Variants in KRT78 observed in about 807,000 individuals in gnomAD.
KRT78 encodes the protein keratin 78, also known as keratin, type II cytoskeletal 78.
A neutral mutation model predicts 51.4 loss-of-function variants in KRT78; 55 were observed. The observed-to-expected ratio is 1.07, with a 90% confidence interval of 0.86 to 1.34. The LOEUF is 1.34. Ranked by LOEUF, KRT78 falls within the 40% of genes most tolerant of loss-of-function variation. KRT78 has a pLI of 0.00. For missense variants in KRT78, 652 were observed against 649.4 expected, an observed-to-expected ratio of 1.00 and a Z score of -0.04; for synonymous variants, 291 against 264.3, an observed-to-expected ratio of 1.10 and a Z score of -0.98.
chr12:52,848,356 CCCCA>C, intron 1 of KRT78, 187 bp downstream of exon 1: 1 of 1,432,966 alleles, frequency 7.0e-7, no homozygotes, highest in Non-Finnish European at 9.4e-7. Context: ...TGTCCCTGAG[CCCCA>C]ATCATGGAAC....
At chr12:52,844,905 T>C (rs1490808980) in intron 4 of KRT78, among the ~76,000 whole-genome samples, 182 bp from the exon 5 acceptor site, 1 of 152,048 alleles carries the variant, frequency 6.6e-6, no homozygotes, top group Admixed American at 6.5e-5. Flanking sequence ...ATGAGAGCCA[T>C]AGGAGGTGGT....
At chr12:52,843,940 C>T (rs969323361) in intron 6 of KRT78, among the ~76,000 whole-genome samples, 153 bp downstream of exon 6, 14 of 152,168 alleles carry the variant, frequency 9.2e-5, no homozygotes, top group African/African-American at 3.1e-4. Context: ...TTGAAGTTCT[C>T]TTCTCCCCAA....
In KRT78 at chr12:52,848,005, A is replaced by G. The variant is rs1565701789; in HGVS notation, c.501T>C (p.Asp167=). The G allele has an allele frequency of 1.2e-6, 2 of 1,614,036 alleles. No homozygotes were observed. Among genetic ancestry groups the G allele is most frequent in the African/African-American group, 1.3e-5 (1 of 74,920 alleles). The change falls in exon 2 of 9, where the codon GAT becomes GAC. Residue 167 remains aspartate, a synonymous_variant. Transcript: ENST00000304620. ...GLEPVFEACL[D]QLRKQLEQLQ... ...GCTGCTCCAGCTGCTTCCTGAGCTG[A>G]TCCAGGCAGGCCTCAAAGACAGGCT...
rs567802599 is a variant in KRT78, at chr12:52,846,348, C to T, written c.661-56G>A. 4.5e-6 allele frequency: 5 copies of T among 1,117,850 alleles called. No homozygotes were observed. In the African/African-American group the frequency reaches 4.7e-5, roughly 10 times the overall value. 69.2% of individuals were successfully genotyped at this position (1,117,850 alleles called of 1,614,324 possible). ...CCCCTCTTCCTCTTTGGGGTCCCTA[C>T]TCTGGCTCAGGAATTCTGTTCATGC... On this transcript the variant is annotated intron_variant, in intron 3 of 8. Coordinates refer to ENST00000304620, the MANE Select transcript of KRT78 (RefSeq NM_173352.4).
chr12:52,839,830 C>T lies in KRT78; in HGVS notation c.1202G>A (p.Ser401Asn), dbSNP rs140505762. 6.2e-7 allele frequency: 1 copy of T among 1,614,110 alleles called. No homozygotes were observed. Among genetic ancestry groups the T allele is most frequent in the Non-Finnish European group, 8.5e-7 (1 of 1,180,034 alleles). Reference sequence around the variant, plus strand: ...CTCCACATCCAGGGAAAGCTTCGTGCTCGTCAGCTCCTGGTACTCGCACAG... The same window carrying T: ...CTCCACATCCAGGGAAAGCTTCGTGTTCGTCAGCTCCTGGTACTCGCACAG... ...RLLCEYQELTSTKLSLDVEIA... is the reference protein window; with the variant it reads ...RLLCEYQELTNTKLSLDVEIA... Residue 401 changes from serine to asparagine, a missense_variant, in exon 7 of 9, where the codon AGC (serine) becomes AAC (asparagine). By Grantham distance (46) the Ser-to-Asn change is conservative. Coordinates refer to ENST00000304620, the MANE Select transcript of KRT78 (RefSeq NM_173352.4).
chr12:52,844,083 G>C lies in KRT78; in HGVS notation c.1047+10C>G. Reference sequence around the variant, plus strand: ...AATGAGAGGACATTTGGGGGTCTCTGGGAATCTACCTGCTTCTTGAGGTTC... The same window carrying C: ...AATGAGAGGACATTTGGGGGTCTCTCGGAATCTACCTGCTTCTTGAGGTTC... On this transcript the variant is annotated intron_variant, in intron 6 of 8. Coordinates refer to ENST00000304620, the MANE Select transcript of KRT78 (RefSeq NM_173352.4). 1 of 1,612,048 alleles carries C rather than the reference G, an allele frequency of 6.2e-7. No individual in the cohort carries two copies. The highest frequency in any genetic ancestry group is 8.5e-7 in the Non-Finnish European group (1 of 1,179,272).
chr12:52,844,771 C>T (rs763389589), intron 4 of KRT78, 48 bp from the exon 5 acceptor site: 2 of 1,537,732 alleles, frequency 1.3e-6, no homozygotes, highest in South Asian at 1.2e-5. Flanking sequence ...GCTCCTTCTC[C>T]CCTTGAAGCC....
In KRT78 at chr12:52,848,745, C is replaced by T. The variant is rs1592148070; in HGVS notation, c.186G>A (p.Leu62=). The change falls in exon 1 of 9, where the codon CTG becomes CTA. Residue 62 remains leucine, a synonymous_variant. Transcript: ENST00000304620. ...RGSTWGSGGR[L]GVRFGEWSGG... Reference sequence around the variant, plus strand: ...CACTCCACTCCCCAAACCGCACCCCCAGCCTACCCCCTGACCCCCAGGTAC... The same window carrying T: ...CACTCCACTCCCCAAACCGCACCCCTAGCCTACCCCCTGACCCCCAGGTAC... 1.2e-6 allele frequency: 2 copies of T among 1,611,352 alleles called. No individual in the cohort carries two copies. Among genetic ancestry groups the T allele is most frequent in the South Asian group, 2.2e-5 (2 of 90,760 alleles).
rs1428732394 is a variant in KRT78, at chr12:52,838,904, G to T, written c.*209C>A. 1 of 612,544 alleles carries T rather than the reference G, an allele frequency of 1.6e-6. No homozygotes were observed. Among genetic ancestry groups the T allele is most frequent in the East Asian group, 2.8e-5 (1 of 35,896 alleles). The allele number at this position is 612,544 out of a possible 1,614,324, so 37.9% of individuals were successfully genotyped here. A position where few individuals can be genotyped will look rare whatever the true frequency, so the allele number is the denominator to read the frequency against. Reference sequence around the variant, plus strand: ...ATTGCCTTCCGAGGAGAGGAAGCTGGGGAGCCACACAGCTTTTGTTTTGCT... The same window carrying T: ...ATTGCCTTCCGAGGAGAGGAAGCTGTGGAGCCACACAGCTTTTGTTTTGCT... On this transcript the variant is annotated 3_prime_UTR_variant, in exon 9 of 9. Coordinates refer to ENST00000304620, the MANE Select transcript of KRT78 (RefSeq NM_173352.4).
Position 52,844,220 on chromosome 12 carries a change from T to C in KRT78, c.922-2A>G, listed in dbSNP as rs767213930. 3 of 1,595,294 alleles carry C rather than the reference T, an allele frequency of 1.9e-6. No individual in the cohort carries two copies. Among genetic ancestry groups the C allele is most frequent in the South Asian group, 2.3e-5 (2 of 88,144 alleles). On this transcript the variant is annotated splice_acceptor_variant, in intron 5 of 8. Transcript: ENST00000304620. LOFTEE classifies it high-confidence loss of function. ...GGCAGACACCTGAAGTTCCTGGTACTGAGAGGGGAACAGAGGGGACACCAT... is the reference window on the plus strand; with the variant it reads ...GGCAGACACCTGAAGTTCCTGGTACCGAGAGGGGAACAGAGGGGACACCAT...
intron 6 of KRT78, among the ~76,000 whole-genome samples, chr12:52,843,008 A>AGTAAGGAAGGAG (rs1940545297): frequency 2.4e-4 from 6 of 25,196 alleles, no homozygotes; most frequent in African/African-American, 5.6e-4. Flanking sequence ...GAAGGAAGGA[A>AGTAAGGAAGGAG]GGAGGGAGGG....
chr12:52,844,151 G>C lies in KRT78; in HGVS notation c.989C>G (p.Ser330Cys), dbSNP rs368480065. The change falls in exon 6 of 9, where the codon TCT becomes TGT. Residue 330 changes from serine (S) to cysteine (C), a missense_variant. Coordinates refer to ENST00000304620, the MANE Select transcript of KRT78 (RefSeq NM_173352.4). ...DRMQETKVQI[S>C]QLHQEIQRLQ... ...CCTCTGAATCTCTTGGTGTAGCTGA[G>C]AGATCTGGACTTTCGTTTCCTGCAT... is the stretch of plus-strand genomic sequence containing the variant. The C allele has an allele frequency of 3.1e-6, 5 of 1,612,210 alleles. No homozygotes were observed. In the East Asian group the frequency reaches 8.9e-5, roughly 29 times the overall value.
intron 4 of KRT78, among the ~76,000 whole-genome samples, chr12:52,844,983 C>G: frequency 6.7e-6 from 1 of 150,356 alleles, no homozygotes; most frequent in African/African-American, 2.4e-5. Flanking sequence ...CACCCAGCCC[C>G]CATCACTCCT....
At chr12:52,846,574 C>T (rs1592146786) in intron 3 of KRT78, among the ~76,000 whole-genome samples, 190 bp downstream of exon 3, 5 of 152,004 alleles carry the variant, frequency 3.3e-5, no homozygotes, top group South Asian at 4.1e-4. Context: ...GTCAAGCAGT[C>T]CTTTAGTCAG....
At chr12:52,843,804 A>C (rs1940574856) in intron 6 of KRT78, among the ~76,000 whole-genome samples, 1 of 152,216 alleles carries the variant, frequency 6.6e-6, no homozygotes, top group East Asian at 1.9e-4. Context: ...ACACCTGGAC[A>C]TAGGCTACAA....
intron 6 of KRT78, among the ~76,000 whole-genome samples, chr12:52,840,304 A>T (rs900327990): frequency 2.6e-5 from 4 of 152,122 alleles, no homozygotes; most frequent in African/African-American, 9.7e-5. Context: ...GGATCTCATG[A>T]TCATATCGTA....
chr12:52,848,147 A>G, intron 1 of KRT78, 26 bp from the exon 2 acceptor site: 1 of 1,609,878 alleles, frequency 6.2e-7, no homozygotes, highest in Non-Finnish European at 8.5e-7. Flanking sequence ...AGGATCCCTG[A>G]GGCTCCTGTG....
Position 52,839,893 on chromosome 12 carries a change from G to T in KRT78, c.1139C>A (p.Ala380Asp). 5 of 1,614,078 alleles carry T rather than the reference G, an allele frequency of 3.1e-6. No individual in the cohort carries two copies. The highest frequency in any genetic ancestry group is 4.2e-6 in the Non-Finnish European group (5 of 1,180,012). Residue 380 changes from alanine (A) to aspartate (D), a missense_variant, in exon 7 of 9, where the codon GCT becomes GAT. Coordinates refer to ENST00000304620, the MANE Select transcript of KRT78 (RefSeq NM_173352.4). The stretch of plus-strand genomic sequence containing the variant: ...GTTCTGCTTGGCCATCCTCAGAGCA[G>T]CCTCCAGCTCGTCCACCTTGGCCTG... Reference protein sequence around the residue: ...DAQAKVDELEAALRMAKQNLA... With the variant: ...DAQAKVDELEDALRMAKQNLA...
chr12:52,844,706 C>T lies in KRT78; in HGVS notation c.774G>A (p.Gln258=), dbSNP rs758969560. ...CCACAGACGTGTCGCTGGCCTGGGTCTGGAGCTGGCCCAGCTCCTGCAGGG... is the reference window on the plus strand; with the variant it reads ...CCACAGACGTGTCGCTGGCCTGGGTTTGGAGCTGGCCCAGCTCCTGCAGGG... ...HLNEEELGQL[Q]TQASDTSVVL... Residue 258 remains glutamine, a synonymous_variant, in exon 5 of 9, where the codon CAG becomes CAA. Coordinates refer to ENST00000304620, the MANE Select transcript of KRT78 (RefSeq NM_173352.4). The T allele has an allele frequency of 6.2e-7, 1 of 1,611,902 alleles. No homozygotes were observed. Among genetic ancestry groups the T allele is most frequent in the Non-Finnish European group, 8.5e-7 (1 of 1,178,724 alleles).
Sources: allele counts gnomAD v4.1 joint callset (sites outside exome capture counted in the v4.1 genomes callset), GRCh38; gene constraint gnomAD v4.1.1; transcripts MANE v1.5; gene names NCBI Gene and HGNC (gene_info 2026-07-23, HGNC 2026-07-21).